Variants in TRAPPC9 observed in about 807,000 individuals in gnomAD.
The protein encoded by TRAPPC9 is IKK2 binding protein.
In TRAPPC9, 83 loss-of-function variants were observed where a neutral mutation model predicts 124.0. The ratio of observed to expected loss-of-function variants is 0.67; its 90% confidence interval spans 0.56 to 0.80. The LOEUF is 0.80. TRAPPC9 is among the 30% of genes least tolerant of loss of function. The pLI is 0.00. For synonymous variants in TRAPPC9, 638 were observed against 617.5 expected, an observed-to-expected ratio of 1.03 and a Z score of -0.49; for missense variants, 1,302 against 1,508.3, an observed-to-expected ratio of 0.86 and a Z score of 2.27.
chr8:140,228,023 T>A (rs1445277145), intron 16 of TRAPPC9, among the ~76,000 whole-genome samples: 1 of 152,158 alleles, frequency 6.6e-6, no homozygotes, highest in Non-Finnish European at 1.5e-5. Flanking sequence ...CATCACTGGG[T>A]CAAAACTGTA....
At chr8:140,072,178 T>C (rs1843196702) in intron 17 of TRAPPC9, among the ~76,000 whole-genome samples, 1 of 152,192 alleles carries the variant, frequency 6.6e-6, no homozygotes, top group Non-Finnish European at 1.5e-5. Context: ...CACAGAATTG[T>C]ACACCAACGA....
chr8:140,161,067 T>C (rs772475256), intron 17 of TRAPPC9, among the ~76,000 whole-genome samples: 80 of 152,158 alleles, frequency 5.3e-4, no homozygotes, highest in Non-Finnish European at 9.1e-4. Flanking sequence ...CTAAAACGTC[T>C]CATGGCTAAG....
At chr8:140,074,043 A>G (rs937895814) in intron 17 of TRAPPC9, among the ~76,000 whole-genome samples, 7 of 152,170 alleles carry the variant, frequency 4.6e-5, no homozygotes, top group Non-Finnish European at 8.8e-5. Context: ...GTCGCCTTTC[A>G]TCCCTCCTGC....
intron 21 of TRAPPC9, among the ~76,000 whole-genome samples, chr8:139,737,867 G>A (rs1187683305): frequency 6.6e-6 from 1 of 152,222 alleles, no homozygotes; most frequent in Non-Finnish European, 1.5e-5. Context: ...CTTCCCTGAG[G>A]AGGGGAGGAT....
chr8:139,900,204 G>C (rs546094910), intron 20 of TRAPPC9, among the ~76,000 whole-genome samples: 10 of 152,226 alleles, frequency 6.6e-5, no homozygotes, highest in African/African-American at 2.4e-4. Flanking sequence ...GCCCGTGTGC[G>C]TGTGTGCCTG....
chr8:140,005,636 T>G (rs779250567), intron 18 of TRAPPC9, among the ~76,000 whole-genome samples: 1 of 151,944 alleles, frequency 6.6e-6, no homozygotes, highest in Admixed American at 6.6e-5. Context: ...ACGTGGGTTT[T>G]GGGAAGACAA....
intron 18 of TRAPPC9, among the ~76,000 whole-genome samples, chr8:140,023,697 G>A (rs994811397): frequency 2.0e-5 from 3 of 152,200 alleles, no homozygotes; most frequent in South Asian, 2.1e-4. Flanking sequence ...AATCATCAGC[G>A]TTATGATTAC....
At chr8:140,426,779 G>C in intron 4 of TRAPPC9, 138 bp from the exon 5 acceptor site, 1 of 810,110 alleles carries the variant, frequency 1.2e-6, no homozygotes, top group Non-Finnish European at 2.1e-6. Flanking sequence ...CAATTCTGAG[G>C]AACAGTATGT....
chr8:140,148,890 T>G (rs1587810062), intron 17 of TRAPPC9, among the ~76,000 whole-genome samples: 1 of 152,234 alleles, frequency 6.6e-6, no homozygotes, highest in East Asian at 1.9e-4. Context: ...TGTAATCTGT[T>G]CATACTTTAT....
chr8:140,190,566 C>T (rs1406851502), intron 17 of TRAPPC9, among the ~76,000 whole-genome samples: 3 of 152,152 alleles, frequency 2.0e-5, no homozygotes, highest in Non-Finnish European at 4.4e-5. Context: ...TGGGCCCAAC[C>T]GCCCAGGTAC....
chr8:139,871,861 A>G (rs1426910034), intron 21 of TRAPPC9, among the ~76,000 whole-genome samples: 1 of 152,214 alleles, frequency 6.6e-6, no homozygotes, highest in Non-Finnish European at 1.5e-5. Context: ...ATGGGTAGGT[A>G]GATGAATGAG....
intron 21 of TRAPPC9, among the ~76,000 whole-genome samples, chr8:139,737,466 T>TCCCCACCC: frequency 4.8e-5 from 2 of 41,370 alleles, no homozygotes; most frequent in Admixed American, 2.8e-4. Flanking sequence ...TCATCAGCCC[T>TCCCCACCC]CCCCCCCCCC....
intron 19 of TRAPPC9, among the ~76,000 whole-genome samples, chr8:139,911,783 T>C (rs978495429): frequency 6.6e-6 from 1 of 151,630 alleles, no homozygotes; most frequent in Admixed American, 6.6e-5. Context: ...AGCAAAACCA[T>C]GCTCTAATTG....
chr8:139,946,342 T>C (rs995090891), intron 19 of TRAPPC9, among the ~76,000 whole-genome samples: 2 of 152,228 alleles, frequency 1.3e-5, no homozygotes, highest in African/African-American at 4.8e-5. Flanking sequence ...AAAAATTGCA[T>C]GCACTCAATG....
chr8:139,989,911 C>T (rs1007740678), intron 18 of TRAPPC9, among the ~76,000 whole-genome samples: 2 of 152,176 alleles, frequency 1.3e-5, no homozygotes, highest in East Asian at 1.9e-4. Context: ...AACAGGTCAT[C>T]GATAAATGTC....
At chr8:140,348,098 G>A (rs550295077) in intron 9 of TRAPPC9, among the ~76,000 whole-genome samples, 8 of 152,246 alleles carry the variant, frequency 5.3e-5, no homozygotes, top group Non-Finnish European at 1.0e-4. Flanking sequence ...AAGGTGCCAT[G>A]GCAAGTGTTT....
At chr8:140,073,426 T>C (rs1378994717) in intron 17 of TRAPPC9, among the ~76,000 whole-genome samples, 1 of 152,226 alleles carries the variant, frequency 6.6e-6, no homozygotes, top group Non-Finnish European at 1.5e-5. Context: ...ACGAACATTA[T>C]ACTGAGCAAA....
intron 17 of TRAPPC9, among the ~76,000 whole-genome samples, chr8:140,201,299 CA>C (rs1231672620): frequency 6.6e-6 from 1 of 152,230 alleles, no homozygotes; most frequent in African/African-American, 2.4e-5. Context: ...GCAATTTTCA[CA>C]ATGGAATTAA....
chr8:140,015,659 T>C (rs533937746), intron 18 of TRAPPC9, among the ~76,000 whole-genome samples: 2 of 137,324 alleles, frequency 1.5e-5, no homozygotes, highest in South Asian at 4.7e-4. Context: ...AAAAAAAAAA[T>C]AAGCCAGGCA....
Sources: gnomAD v4.1 joint callset for allele counts (sites outside exome capture counted in the v4.1 genomes callset) on GRCh38, gnomAD v4.1.1 for gene constraint, MANE v1.5 for transcripts, NCBI Gene and HGNC (gene_info 2026-07-23, HGNC 2026-07-21) for gene names.